The following NTRK2 variants were observed in gnomAD, a reference collection of about 807,000 sequenced individuals.
NTRK2 encodes neurotrophic receptor tyrosine kinase 2, also known as BDNF/NT-3 growth factors receptor.
Under a neutral mutation model 94.5 loss-of-function variants are expected in NTRK2, and 13 were observed. The ratio of observed to expected loss-of-function variants is 0.14; its 90% CI spans 0.09 to 0.22. The LOEUF is 0.22. NTRK2 is among the 10% of genes least tolerant of loss of function. The pLI, the probability that NTRK2 is intolerant of heterozygous loss-of-function variation, is 1.00. For synonymous variants in NTRK2, 372 were observed against 407.4 expected, an observed-to-expected ratio of 0.91 and a Z score of 1.05; for missense variants, 639 against 1,071.2, an observed-to-expected ratio of 0.60 and a Z score of 5.63.
intron 12 of NTRK2, among the ~76,000 whole-genome samples, chr9:84,842,216 G>A (rs1047760861): frequency 3.3e-5 from 5 of 152,074 alleles, no homozygotes; most frequent in African/African-American, 9.7e-5. Flanking sequence ...ATGCAACTCC[G>A]TTCCTCGTGA....
intron 15 of NTRK2, among the ~76,000 whole-genome samples, chr9:84,938,512 GT>G (rs1336276706): frequency 6.6e-6 from 1 of 152,038 alleles, no homozygotes; most frequent in Non-Finnish European, 1.5e-5. Flanking sequence ...ATCTGTACTT[GT>G]CCTTTATAGC....
At chr9:84,955,091 G>A (rs1403078928) in intron 16 of NTRK2, among the ~76,000 whole-genome samples, 192 bp from the exon 17 acceptor site, 1 of 152,182 alleles carries the variant, frequency 6.6e-6, no homozygotes, top group East Asian at 1.9e-4. Flanking sequence ...GGTGCTCTCA[G>A]GACTGCAGAA....
At chr9:84,882,261 T>C (rs2076276395) in intron 14 of NTRK2, among the ~76,000 whole-genome samples, 1 of 152,166 alleles carries the variant, frequency 6.6e-6, no homozygotes, top group African/African-American at 2.4e-5. Flanking sequence ...TGCAGCCAGT[T>C]TAACTGATGA....
intron 11 of NTRK2, among the ~76,000 whole-genome samples, chr9:84,749,982 T>A (rs1179815185): frequency 6.6e-6 from 1 of 152,244 alleles, no homozygotes; most frequent in East Asian, 1.9e-4. Context: ...CTGTTCAGCC[T>A]TGTCCTTGTT....
chr9:84,938,661 A>C (rs770785158), intron 15 of NTRK2, among the ~76,000 whole-genome samples: 2 of 152,178 alleles, frequency 1.3e-5, no homozygotes, highest in Non-Finnish European at 2.9e-5. Context: ...CCTCATATGT[A>C]GTAGTATGCA....
intron 14 of NTRK2, chr9:84,877,985 A>G: frequency 1.0e-6 from 1 of 986,992 alleles, no homozygotes; most frequent in African/African-American, 1.7e-5. Flanking sequence ...GGATTCCTCA[A>G]GGCACCACGA....
chr9:84,947,626 T>C (rs769137535), intron 15 of NTRK2, among the ~76,000 whole-genome samples: 2 of 152,216 alleles, frequency 1.3e-5, no homozygotes, highest in African/African-American at 4.8e-5. Flanking sequence ...GCTGATTCAT[T>C]CAGGACAGTG....
In NTRK2 at chr9:84,844,466, CT is replaced by C. The variant is rs1564379692; in HGVS notation, c.1397-16572del. On this transcript the variant is annotated intron_variant, in intron 12 of 18. Transcript: ENST00000277120. ...GGGAGGGGAAAAATGACTCCCTATTCTTCTCTTGTTATATTTGCTGATGTTT... is the reference window on the plus strand; with the variant it reads ...GGGAGGGGAAAAATGACTCCCTATTCTCTCTTGTTATATTTGCTGATGTTT... 2.0e-5 allele frequency among the ~76,000 whole-genome samples: 3 copies of C among 152,214 alleles called. No individual in the cohort carries two copies. In the East Asian group the frequency reaches 5.8e-4, roughly 29 times the overall value.
intron 12 of NTRK2, among the ~76,000 whole-genome samples, chr9:84,766,013 G>C (rs2065993564): frequency 6.6e-6 from 1 of 152,148 alleles, no homozygotes; most frequent in South Asian, 2.1e-4. Flanking sequence ...AAACTGAACA[G>C]AACAAGCTTT....
intron 14 of NTRK2, among the ~76,000 whole-genome samples, chr9:84,931,716 C>CAAAAAAAAAAAAAAA (rs11395381): frequency 2.0e-5 from 2 of 100,368 alleles, no homozygotes; most frequent in Admixed American, 1.1e-4. Context: ...TAATAAAATG[C>CAAAAAAAAAAAAAAA]AAAAAAAAAA....
At chr9:84,700,952 C>G (rs898926742) in intron 2 of NTRK2, among the ~76,000 whole-genome samples, 1 of 152,126 alleles carries the variant, frequency 6.6e-6, no homozygotes, top group Non-Finnish European at 1.5e-5. Flanking sequence ...CCTTTGAGTA[C>G]CTACCTTGTA....
chr9:84,954,180 C>T (rs1201935231), intron 16 of NTRK2, among the ~76,000 whole-genome samples: 1 of 152,226 alleles, frequency 6.6e-6, no homozygotes, highest in Non-Finnish European at 1.5e-5. Context: ...GAGATCTTTC[C>T]TTTCCCAGAG....
rs1466328753 is a variant in NTRK2 at position 84,747,958 on chromosome 9, A to G, written c.1296+2885A>G. The stretch of plus-strand genomic sequence containing the variant: ...GTTTTGTAGAATTTGTGTGGTTCAG[A>G]TATTTTATATATAAAGAGTTCTTGA... On this transcript the variant is annotated intron_variant, in intron 11 of 18. Coordinates refer to ENST00000277120, the MANE Select transcript of NTRK2 (RefSeq NM_006180.6). 2.6e-5 allele frequency among the ~76,000 whole-genome samples: 4 copies of G among 152,316 alleles called. No homozygotes were observed. The South Asian group carries it at 8.3e-4, about 32-fold the overall frequency.
chr9:84,740,981 C>A (rs776243493), intron 9 of NTRK2, among the ~76,000 whole-genome samples: 2 of 152,156 alleles, frequency 1.3e-5, no homozygotes, highest in Non-Finnish European at 2.9e-5. Context: ...CAAGTGAGGA[C>A]TAAAAGCATA....
At chr9:84,758,670 C>T (rs549042570) in intron 12 of NTRK2, among the ~76,000 whole-genome samples, 12 of 152,260 alleles carry the variant, frequency 7.9e-5, no homozygotes, top group Non-Finnish European at 1.5e-4. Context: ...GGATTATAGG[C>T]GTGAGCCACC....
intron 2 of NTRK2, among the ~76,000 whole-genome samples, chr9:84,679,274 C>T (rs191653015): frequency 1.4e-3 from 214 of 152,306 alleles, no homozygotes; most frequent in African/African-American, 5.0e-3. Flanking sequence ...CTTTCTGTTT[C>T]TGGTGGTGTT....
At chr9:84,854,103 A>T (rs1002187517) in intron 12 of NTRK2, among the ~76,000 whole-genome samples, 1 of 148,924 alleles carries the variant, frequency 6.7e-6, no homozygotes. Context: ...AAGAAAAAAG[A>T]AAAAAAAAAG....
At chr9:85,004,046 G>GAAAA (rs1564542225) in intron 17 of NTRK2, among the ~76,000 whole-genome samples, 3 of 44,440 alleles carry the variant, frequency 6.8e-5, no homozygotes, top group East Asian at 3.3e-4. Context: ...AGAAAGAAAG[G>GAAAA]GAGAAAGAGA....
At chr9:84,687,016 A>G (rs1051668824) in intron 2 of NTRK2, among the ~76,000 whole-genome samples, 1 of 152,248 alleles carries the variant, frequency 6.6e-6, no homozygotes, top group South Asian at 2.1e-4. Context: ...AAAGTGGTTT[A>G]GACTCCATGT....
Sources: gnomAD v4.1 joint callset for allele counts (sites outside exome capture counted in the v4.1 genomes callset) on GRCh38, gnomAD v4.1.1 for gene constraint, MANE v1.5 for transcripts, NCBI Gene and HGNC (gene_info 2026-07-23, HGNC 2026-07-21) for gene names.